Variants in MBD5 observed in about 807,000 individuals in gnomAD.
The protein encoded by MBD5 is methyl-CpG binding domain protein 5.
Under a neutral mutation model 117.3 loss-of-function variants are expected in MBD5, and 13 were observed. The ratio of observed to expected loss-of-function variants is 0.11; its 90% CI spans 0.07 to 0.18. MBD5 has a LOEUF of 0.18. Among genes scored for constraint, MBD5 ranks in the 10% least tolerant of loss-of-function variants. The pLI is 1.00. For missense variants in MBD5, 1,879 were observed against 2,093.8 expected (o/e 0.90, Z 2.00); for synonymous variants, 727 against 766.4 (o/e 0.95, Z 0.85).
At chr2:148,330,035 C>T (rs1291663914) in intron 3 of MBD5, among the ~76,000 whole-genome samples, 1 of 14,086 alleles carries the variant, frequency 7.1e-5, no homozygotes, top group African/African-American at 2.0e-4. Flanking sequence ...AGGTAAGAAC[C>T]CCCCCCCGCC....
intron 3 of MBD5, among the ~76,000 whole-genome samples, chr2:148,267,176 G>A (rs1366342630): frequency 1.3e-5 from 2 of 152,114 alleles, no homozygotes; most frequent in Admixed American, 6.6e-5. Context: ...GTTTAAAAAT[G>A]TATTGTAAGG....
Position 148,203,609 on chromosome 2 carries a change from A to T in MBD5, c.-831+24816A>T, listed in dbSNP as rs150094818. Among the ~76,000 whole-genome samples, 3 of 152,304 alleles carry T rather than the reference A, an allele frequency of 2.0e-5. No homozygotes were observed. In the East Asian group the frequency reaches 5.8e-4, roughly 29 times the overall value. ...AGGGTCAAGGAAAGGGTGGGTTCAC[A>T]TTATTGTTGCAATTTTGCAAGTCTT... On this transcript the variant is annotated intron_variant, in intron 2 of 13. Coordinates refer to ENST00000642680, the MANE Select transcript of MBD5 (RefSeq NM_001378120.1).
At chr2:148,381,242 A>C (rs1704134025) in intron 4 of MBD5, among the ~76,000 whole-genome samples, 1 of 152,222 alleles carries the variant, frequency 6.6e-6, no homozygotes, top group African/African-American at 2.4e-5. Flanking sequence ...CGAATGGATA[A>C]CTAGAATAAC....
chr2:148,197,317 G>C (rs1699013358), intron 2 of MBD5, among the ~76,000 whole-genome samples: 1 of 152,154 alleles, frequency 6.6e-6, no homozygotes, highest in African/African-American at 2.4e-5. Flanking sequence ...AGGTGCCCCA[G>C]CTGGTACCAA....
At chr2:148,214,689 A>T (rs938554801) in intron 2 of MBD5, among the ~76,000 whole-genome samples, 3 of 152,180 alleles carry the variant, frequency 2.0e-5, no homozygotes, top group Non-Finnish European at 2.9e-5. Context: ...CAAGTAGATT[A>T]TGGAAGTAAA....
At chr2:148,372,876 G>A (rs1703894808) in intron 4 of MBD5, among the ~76,000 whole-genome samples, 1 of 152,078 alleles carries the variant, frequency 6.6e-6, no homozygotes, top group Non-Finnish European at 1.5e-5. Context: ...GGCAGTCATT[G>A]TTACTCTCTA....
At chr2:148,491,069 G>C (rs1350762238) in intron 11 of MBD5, among the ~76,000 whole-genome samples, 1 of 152,240 alleles carries the variant, frequency 6.6e-6, no homozygotes, top group Non-Finnish European at 1.5e-5. Context: ...CAGCTGGGAA[G>C]GGGGTACAGT....
intron 1 of MBD5, among the ~76,000 whole-genome samples, chr2:148,162,485 A>G (rs1467183536): frequency 6.6e-6 from 1 of 152,124 alleles, no homozygotes; most frequent in Non-Finnish European, 1.5e-5. Flanking sequence ...AAAATTGACA[A>G]TTTTTCTAAA....
chr2:148,210,797 T>C (rs538516037), intron 2 of MBD5, among the ~76,000 whole-genome samples: 2 of 152,260 alleles, frequency 1.3e-5, no homozygotes, highest in African/African-American at 4.8e-5. Context: ...AAAGAAAGTA[T>C]GCTGATTTTT....
intron 4 of MBD5, among the ~76,000 whole-genome samples, chr2:148,445,051 ACC>A (rs1206382313): frequency 1.3e-5 from 2 of 150,938 alleles, no homozygotes; most frequent in South Asian, 2.1e-4. Context: ...AAATAGCACC[ACC>A]CAAGCATGTT....
rs575093086 is a variant in MBD5 at position 148,278,033 on chromosome 2, C to T, written c.-680+44638C>T. On this transcript the variant is annotated intron_variant, in intron 3 of 13. Transcript: ENST00000642680. Reference sequence around the variant, plus strand: ...TCACCCACGAAAATTTTCTTGGGTCCCTTTGTAATAAACCCCTCTCCCAAC... The same window carrying T: ...TCACCCACGAAAATTTTCTTGGGTCTCTTTGTAATAAACCCCTCTCCCAAC... Among the ~76,000 whole-genome samples, 6 of 152,264 alleles carry T rather than the reference C, an allele frequency of 3.9e-5. No individual in the cohort carries two copies. In the East Asian group the frequency reaches 1.2e-3, roughly 29 times the overall value.
At chr2:148,226,326 T>C (rs1324996941) in intron 2 of MBD5, among the ~76,000 whole-genome samples, 2 of 152,122 alleles carry the variant, frequency 1.3e-5, no homozygotes, top group African/African-American at 4.8e-5. Flanking sequence ...TGTGTTCTCA[T>C]TGTTCAATTC....
chr2:148,378,441 A>T (rs1398457350), intron 4 of MBD5, among the ~76,000 whole-genome samples: 1 of 152,092 alleles, frequency 6.6e-6, no homozygotes, highest in African/African-American at 2.4e-5. Context: ...ACTGCCTAAT[A>T]AGTTATAGCT....
At chr2:148,374,579 C>CCTAG (rs1169362236) in intron 4 of MBD5, among the ~76,000 whole-genome samples, 12 of 152,136 alleles carry the variant, frequency 7.9e-5, no homozygotes, top group Non-Finnish European at 1.0e-4. Flanking sequence ...TAAGGCCTAG[C>CCTAG]GCCTGTTGAC....
chr2:148,256,302 G>A (rs1393270335), intron 3 of MBD5, among the ~76,000 whole-genome samples: 1 of 152,226 alleles, frequency 6.6e-6, no homozygotes, highest in African/African-American at 2.4e-5. Flanking sequence ...TAGCCACAAG[G>A]CCACATCTCA....
At chr2:148,105,929 TG>T (rs1295974832) in intron 1 of MBD5, among the ~76,000 whole-genome samples, 1 of 152,146 alleles carries the variant, frequency 6.6e-6, no homozygotes, top group Non-Finnish European at 1.5e-5. Flanking sequence ...TGAAAACAAT[TG>T]GATTATTTCT....
intron 3 of MBD5, among the ~76,000 whole-genome samples, chr2:148,242,706 A>G (rs1336831949): frequency 1.3e-5 from 2 of 152,186 alleles, no homozygotes; most frequent in Non-Finnish European, 2.9e-5. Context: ...CCACTATATA[A>G]TGAGCTATTC....
chr2:148,319,606 A>G (rs548216945), intron 3 of MBD5, among the ~76,000 whole-genome samples: 11 of 152,182 alleles, frequency 7.2e-5, no homozygotes, highest in Non-Finnish European at 1.6e-4. Flanking sequence ...GTAATTTTGT[A>G]TCCTGAAACT....
rs1706945832 is a variant in MBD5 at position 148,458,257 on chromosome 2, C to T, written c.-502C>T. On this transcript the variant is annotated 5_prime_UTR_variant, in exon 5 of 14. Transcript: ENST00000642680. ...AAACATCAGATGAACCAACCTGCAA[C>T]ACCTTGGATTCAGATTGGAAGATAA... is the stretch of plus-strand genomic sequence containing the variant. 2.5e-6 allele frequency: 1 copy of T among 403,872 alleles called. No homozygotes were observed. Among genetic ancestry groups the T allele is most frequent in the Non-Finnish European group, 4.4e-6 (1 of 228,946 alleles). The allele number at this position is 403,872 out of a possible 1,614,324, so 25.0% of individuals were successfully genotyped here.
Sources: allele counts gnomAD v4.1 joint callset (sites outside exome capture counted in the v4.1 genomes callset), GRCh38; gene constraint gnomAD v4.1.1; transcripts MANE v1.5; gene names NCBI Gene and HGNC (gene_info 2026-07-23, HGNC 2026-07-21).